YTHDC2: variants seen among roughly 807,000 people sequenced by gnomAD.
YTHDC2 encodes 3'-5' RNA helicase YTHDC2.
Under a neutral mutation model 174.9 loss-of-function variants are expected in YTHDC2, and 45 were observed. That is an observed-to-expected ratio of 0.26 (90% CI 0.20 to 0.33). The LOEUF (loss-of-function observed/expected upper bound fraction) is 0.33, where lower values mean the gene tolerates loss of function less well. Ranked by LOEUF, YTHDC2 falls within the 10% of genes least tolerant of loss-of-function variation. YTHDC2 has a pLI of 1.00. For synonymous variants in YTHDC2, 657 were observed against 574.5 expected (o/e 1.14, Z -2.05); for missense variants, 1,650 against 1,723.7 (o/e 0.96, Z 0.76).
chr5:113,517,196 A>G (rs954178634), intron 2 of YTHDC2, among the ~76,000 whole-genome samples: 1 of 152,206 alleles, frequency 6.6e-6, no homozygotes, highest in East Asian at 1.9e-4. Context: ...CACTGAGACT[A>G]TTAATAACCT....
chr5:113,539,923 A>G (rs1241476621), intron 8 of YTHDC2, among the ~76,000 whole-genome samples: 1 of 152,082 alleles, frequency 6.6e-6, no homozygotes, highest in African/African-American at 2.4e-5. Context: ...TTTTTTAGAG[A>G]CAGGTTCTTG....
Position 113,570,389 on chromosome 5 carries a change from A to C in YTHDC2, c.3244+2540A>C, listed in dbSNP as rs1178540048. ...AGTGCTGCAATTACAGGCGTGAGCT[A>C]TCATGCTTGGCCTTTTCCTATGTAT... On this transcript the variant is annotated intron_variant, in intron 23 of 29. Coordinates refer to ENST00000161863, the MANE Select transcript of YTHDC2 (RefSeq NM_022828.5). Among the ~76,000 whole-genome samples, 73 of 152,136 alleles carry C rather than the reference A, an allele frequency of 4.8e-4. 1 individual carries two copies. The highest frequency in any genetic ancestry group is 4.6e-3 in the Admixed American group (71 of 15,270).
At position 113,535,850 on chromosome 5, in the gene YTHDC2, G is replaced by A. The variant is rs1354121163; in HGVS notation, c.1102+52G>A. ...ATAATTTTTATGAAAGAACACTTTT[G>A]GACATTATTTATCCTAACAGAAACT... On this transcript the variant is annotated intron_variant, in intron 7 of 29. Transcript: ENST00000161863. 6.9e-6 allele frequency: 10 copies of A among 1,444,628 alleles called. No homozygotes were observed. In the South Asian group the frequency reaches 1.1e-4, roughly 16 times the overall value. 89.5% of individuals were successfully genotyped at this position (1,444,628 alleles called of 1,614,324 possible). A position where few individuals can be genotyped will look rare whatever the true frequency, so the allele number is the denominator to read the frequency against.
chr5:113,577,538 G>A (rs911761180), intron 23 of YTHDC2, among the ~76,000 whole-genome samples: 3 of 151,824 alleles, frequency 2.0e-5, no homozygotes, highest in African/African-American at 7.3e-5. Flanking sequence ...CCTGGCTAAT[G>A]TTCATATTTT....
intron 1 of YTHDC2, among the ~76,000 whole-genome samples, chr5:113,514,483 T>C (rs1171778549): frequency 6.6e-6 from 1 of 152,192 alleles, no homozygotes; most frequent in Non-Finnish European, 1.5e-5. Context: ...TATAAATAAA[T>C]GCACCAGCAA....
chr5:113,553,162 T>C lies in YTHDC2; in HGVS notation c.1689-19T>C. On this transcript the variant is annotated intron_variant, in intron 12 of 29. Transcript: ENST00000161863. ...TTAATGGAAATTGACTTTGTCTTTT[T>C]TTTTTTTTTTTTTTTCAGTGCTACA... is the stretch of plus-strand genomic sequence containing the variant. The C allele has an allele frequency of 3.9e-6, 5 of 1,287,108 alleles. No individual in the cohort carries two copies. Among genetic ancestry groups the C allele is most frequent in the Non-Finnish European group, 5.0e-6 (5 of 1,004,274 alleles). 79.7% of individuals were successfully genotyped at this position (1,287,108 alleles called of 1,614,324 possible).
chr5:113,521,375 G>C (rs550382838), intron 2 of YTHDC2, among the ~76,000 whole-genome samples: 1 of 152,298 alleles, frequency 6.6e-6, no homozygotes, highest in South Asian at 2.1e-4. Flanking sequence ...TAGGTGCTCT[G>C]AGGAGTTAGA....
chr5:113,581,849 GGAAA>G (rs1778422068), intron 25 of YTHDC2, 140 bp downstream of exon 25: 3 of 702,462 alleles, frequency 4.3e-6, no homozygotes, highest in African/African-American at 1.9e-5. Context: ...GCAATAAAGT[GGAAA>G]GAGTTTTCTA....
intron 24 of YTHDC2, 65 bp from the exon 25 acceptor site, chr5:113,581,352 A>G (rs1778391169): frequency 1.4e-6 from 2 of 1,379,824 alleles, no homozygotes; most frequent in Non-Finnish European, 1.9e-6. Flanking sequence ...AATGGAAACT[A>G]ATCAACACAT....
chr5:113,583,624 C>G (rs1415241879), intron 25 of YTHDC2: 2 of 152,314 alleles, frequency 1.3e-5, no homozygotes, highest in Non-Finnish European at 2.9e-5. Context: ...GCTGGAATTA[C>G]AGGTGCACGC....
At chr5:113,568,450 G>A (rs1024644434) in intron 23 of YTHDC2, among the ~76,000 whole-genome samples, 2 of 152,074 alleles carry the variant, frequency 1.3e-5, no homozygotes, top group African/African-American at 4.8e-5. Context: ...GTGGTTTGCT[G>A]CACAGATCAT....
intron 26 of YTHDC2, among the ~76,000 whole-genome samples, chr5:113,586,936 T>C (rs1329433835): frequency 1.8e-5 from 2 of 108,790 alleles, no homozygotes; most frequent in South Asian, 5.9e-4. Flanking sequence ...AAATATATAT[T>C]ATGTATTCAT....
Position 113,553,208 on chromosome 5 carries a change from T to G in YTHDC2, c.1716T>G (p.Asp572Glu). The change falls in exon 13 of 30, where the codon GAT becomes GAG. Residue 572 changes from aspartate to glutamate, a missense_variant. Physicochemically the swap from Asp to Glu is conservative, Grantham distance 45 (BLOSUM62 2). Transcript: ENST00000161863. ...YSATLEFGNL[D>E]ESSLVQTNGS... is the part of the protein sequence containing the mutation. ...CTACACTGGAATTTGGAAATCTAGA[T>G]GAAAGTTCTCTGGTTCAAACAAATG... The G allele has an allele frequency of 6.5e-7, 1 of 1,537,152 alleles. No homozygotes were observed. The highest frequency in any genetic ancestry group is 8.7e-7 in the Non-Finnish European group (1 of 1,147,020).
chr5:113,542,979 T>G (rs1775593042), intron 10 of YTHDC2, among the ~76,000 whole-genome samples: 1 of 152,222 alleles, frequency 6.6e-6, no homozygotes, highest in Non-Finnish European at 1.5e-5. Flanking sequence ...GGCTCTAACT[T>G]CTTGGTTTTC....
At chr5:113,565,504 A>G (rs1777273964) in intron 20 of YTHDC2, among the ~76,000 whole-genome samples, 1 of 152,222 alleles carries the variant, frequency 6.6e-6, no homozygotes, top group African/African-American at 2.4e-5. Context: ...GGTAGAGTCC[A>G]GGGTTGACAT....
At position 113,567,427 on chromosome 5, in the gene YTHDC2, T is replaced by TAA. The variant is rs138503872; in HGVS notation, c.3048+130_3048+131insAA. 1,775 of 374,508 alleles carry TAA rather than the reference T, an allele frequency of 4.7e-3. 20 individuals are homozygous for TAA. The highest frequency in any genetic ancestry group is 8.6e-3 in the African/African-American group (341 of 39,596). 23.2% of individuals were successfully genotyped at this position (374,508 alleles called of 1,614,324 possible). A position where few individuals can be genotyped will look rare whatever the true frequency, so the allele number is the denominator to read the frequency against. On this transcript the variant is annotated intron_variant, in intron 22 of 29. Coordinates refer to ENST00000161863, the MANE Select transcript of YTHDC2 (RefSeq NM_022828.5). ...AGTTATATATATATATATATATATA[T>TAA]CATTAAATATTGGAACAAAACTTAT...
At position 113,592,191 on chromosome 5, in the gene YTHDC2, A is replaced by ATT. The variant is rs113314175; in HGVS notation, c.4212+23_4212+24dup. 189,981 of 1,345,668 alleles carry ATT rather than the reference A, an allele frequency of 0.14. 5,910 individuals carry two copies. The highest frequency in any genetic ancestry group is 0.35 in the African/African-American group (22,768 of 65,866). 83.4% of individuals were successfully genotyped at this position (1,345,668 alleles called of 1,614,324 possible). ...CAGGGATGGGCAGGTATACAATGGC[A>ATT]TTTTTTTTTTTATTTACTTTTGTTT... On this transcript the variant is annotated intron_variant, in intron 28 of 29. Transcript: ENST00000161863.
chr5:113,546,731 T>C (rs147382119), intron 10 of YTHDC2, among the ~76,000 whole-genome samples: 109 of 152,340 alleles, frequency 7.2e-4, no homozygotes, highest in Non-Finnish European at 1.2e-3. Flanking sequence ...GTGGTCTGGC[T>C]CCAAGTCTCT....
intron 7 of YTHDC2, among the ~76,000 whole-genome samples, chr5:113,538,461 G>A (rs1248554480): frequency 6.6e-6 from 1 of 152,080 alleles, no homozygotes; most frequent in African/African-American, 2.4e-5. Flanking sequence ...CATTTTTCAA[G>A]TAAGTTAGCC....
Sources: allele counts gnomAD v4.1 joint callset (sites outside exome capture counted in the v4.1 genomes callset), GRCh38; gene constraint gnomAD v4.1.1; transcripts MANE v1.5; gene names NCBI Gene and HGNC (gene_info 2026-07-23, HGNC 2026-07-21).